The following SUGCT variants were observed in gnomAD, a reference collection of about 807,000 sequenced individuals.
The protein encoded by SUGCT is succinyl-CoA:glutarate-CoA transferase.
SUGCT carries 41 observed loss-of-function variants against 55.0 expected under a neutral mutation model. The observed-to-expected ratio is 0.74, with a 90% CI of 0.58 to 0.97. SUGCT has a LOEUF of 0.97. SUGCT is among the 50% of genes least tolerant of loss of function. SUGCT has a pLI of 0.00. For synonymous variants in SUGCT, 187 were observed against 200.4 expected (o/e 0.93, Z 0.56); for missense variants, 568 against 547.8 (o/e 1.04, Z -0.37).
intron 9 of SUGCT, among the ~76,000 whole-genome samples, chr7:40,334,212 C>T (rs1213085088): frequency 6.6e-6 from 1 of 152,020 alleles, no homozygotes; most frequent in Non-Finnish European, 1.5e-5. Flanking sequence ...CCATGAACAT[C>T]GTGTGCATGT....
At chr7:41,009,594 A>C in the SUGCT span, among the ~76,000 whole-genome samples, 6 of 150,190 alleles carry the variant, frequency 4.0e-5, no homozygotes, top group Non-Finnish European at 8.9e-5. Flanking sequence ...CCTTTCTTCC[A>C]TCTACCATCC....
At position 40,726,164 on chromosome 7, in the gene SUGCT, C is replaced by G. The variant is rs1037623763; in HGVS notation, c.1090-23270C>G. On this transcript the variant is annotated intron_variant, in intron 12 of 13. Transcript: ENST00000335693. ...CGCAGGAACGGTGTCAGGACAACCA[C>G]GTTGTATTACTTGGAGTCCCCAAAT... is the stretch of plus-strand genomic sequence containing the variant. Among the ~76,000 whole-genome samples the G allele has an allele frequency of 2.6e-5, 4 of 152,080 alleles. No individual in the cohort carries two copies. The East Asian group carries it at 7.7e-4, about 29-fold the overall frequency.
At chr7:40,576,055 A>G (rs964602125) in intron 12 of SUGCT, among the ~76,000 whole-genome samples, 3 of 151,880 alleles carry the variant, frequency 2.0e-5, no homozygotes, top group African/African-American at 7.3e-5. Flanking sequence ...GTCCTTTATA[A>G]TTCACCGTTG....
At chr7:40,590,128 T>C (rs1797630890) in intron 12 of SUGCT, among the ~76,000 whole-genome samples, 1 of 152,200 alleles carries the variant, frequency 6.6e-6, no homozygotes, top group African/African-American at 2.4e-5. Flanking sequence ...ACTGTAGTAA[T>C]TATTCTGAGG....
Position 40,339,385 on chromosome 7 carries a change from G to A in SUGCT, c.816+22530G>A, listed in dbSNP as rs375105731. ...CAGGCAGGCCTCCTTGAGCTGCGGT[G>A]GGCTCCACCTGGTTCGAGCTTCCTG... On this transcript the variant is annotated intron_variant, in intron 9 of 13. Transcript: ENST00000335693. 3.3e-5 allele frequency among the ~76,000 whole-genome samples: 5 copies of A among 152,266 alleles called. No homozygotes were observed. In the East Asian group the frequency reaches 9.7e-4, roughly 29 times the overall value.
intron 8 of SUGCT, among the ~76,000 whole-genome samples, chr7:40,277,798 A>G (rs1792633569): frequency 6.6e-6 from 1 of 151,774 alleles, no homozygotes; most frequent in Non-Finnish European, 1.5e-5. Flanking sequence ...TTAACTCGTC[A>G]TTTAGCACTA....
At chr7:40,899,009 G>A in the SUGCT span, among the ~76,000 whole-genome samples, 1 of 152,112 alleles carries the variant, frequency 6.6e-6, no homozygotes, top group Non-Finnish European at 1.5e-5. Flanking sequence ...AGCCACGTCC[G>A]GCTCTTAGGC....
At chr7:40,916,125 G>A in the SUGCT span, among the ~76,000 whole-genome samples, 1 of 150,674 alleles carries the variant, frequency 6.6e-6, no homozygotes, top group East Asian at 2.0e-4. Flanking sequence ...ATTAGCACTA[G>A]AATTGTATAT....
intron 8 of SUGCT, among the ~76,000 whole-genome samples, chr7:40,309,575 A>G (rs1170362081): frequency 1.3e-5 from 2 of 152,186 alleles, no homozygotes; most frequent in Admixed American, 6.5e-5. Flanking sequence ...AATTACAGAC[A>G]TGAGCCACTG....
chr7:40,326,583 A>T (rs1404272599), intron 9 of SUGCT, among the ~76,000 whole-genome samples: 1 of 152,112 alleles, frequency 6.6e-6, no homozygotes, highest in Non-Finnish European at 1.5e-5. Context: ...TTTTAAAAAA[A>T]CTCTTTGTAG....
At chr7:40,784,627 TA>T (rs1789927337) in intron 13 of SUGCT, among the ~76,000 whole-genome samples, 1 of 152,128 alleles carries the variant, frequency 6.6e-6, no homozygotes. Context: ...GAAATAACTT[TA>T]AAACAATTAT....
the SUGCT span, among the ~76,000 whole-genome samples, chr7:40,907,925 A>G: frequency 2.0e-5 from 3 of 152,214 alleles, no homozygotes; most frequent in Admixed American, 6.5e-5. Context: ...AATTCTAAAC[A>G]TTAGTAAATA....
intron 13 of SUGCT, among the ~76,000 whole-genome samples, chr7:40,810,643 C>T (rs1791361478): frequency 6.6e-6 from 1 of 151,884 alleles, no homozygotes; most frequent in Admixed American, 6.6e-5. Context: ...TGTTTATGTT[C>T]CTTATAGATT....
intron 9 of SUGCT, among the ~76,000 whole-genome samples, chr7:40,448,985 A>AAGAGAG (rs150016898): frequency 8.2e-6 from 1 of 121,496 alleles, no homozygotes. Flanking sequence ...GAGAGAGAGA[A>AAGAGAG]AGAGAGAGAG....
chr7:40,919,812 C>G, the SUGCT span, among the ~76,000 whole-genome samples: 5 of 152,160 alleles, frequency 3.3e-5, no homozygotes, highest in African/African-American at 1.2e-4. Context: ...AATTACCTGA[C>G]AAAGTCCTAC....
At chr7:40,577,980 C>T (rs1796860383) in intron 12 of SUGCT, among the ~76,000 whole-genome samples, 1 of 152,134 alleles carries the variant, frequency 6.6e-6, no homozygotes, top group African/African-American at 2.4e-5. Flanking sequence ...CCTGATGAGT[C>T]AATTGATTTA....
intron 13 of SUGCT, among the ~76,000 whole-genome samples, chr7:40,765,046 A>G (rs976422831): frequency 1.3e-5 from 2 of 152,202 alleles, no homozygotes; most frequent in African/African-American, 4.8e-5. Flanking sequence ...CTACATTCTC[A>G]GAATGTGTAA....
chr7:40,918,234 G>A, the SUGCT span, among the ~76,000 whole-genome samples: 17,742 of 151,978 alleles, frequency 0.12, 1,106 homozygotes, highest in South Asian at 0.14. Context: ...AGGCCAAGGC[G>A]GGCGGATCAC....
chr7:40,458,211 T>C (rs541080377), intron 10 of SUGCT, among the ~76,000 whole-genome samples: 1 of 152,230 alleles, frequency 6.6e-6, no homozygotes, highest in Non-Finnish European at 1.5e-5. Flanking sequence ...ATAAAGGCAA[T>C]GAAGCTTTCT....
Sources: allele counts gnomAD v4.1 joint callset (sites outside exome capture counted in the v4.1 genomes callset), GRCh38; gene constraint gnomAD v4.1.1; transcripts MANE v1.5; gene names NCBI Gene and HGNC (gene_info 2026-07-23, HGNC 2026-07-21).